Variants in EMC2 observed in about 807,000 individuals in gnomAD.
EMC2 encodes TPR repeat protein 35.
Under a neutral mutation model 51.6 loss-of-function variants are expected in EMC2, and 37 were observed. The observed-to-expected ratio is 0.72, with a 90% CI of 0.55 to 0.94. The LOEUF (loss-of-function observed/expected upper bound fraction) is 0.94, where lower values mean the gene tolerates loss of function less well. Ranked by LOEUF, EMC2 falls within the 40% of genes least tolerant of loss-of-function variation. EMC2 has a pLI of 0.00. For missense variants in EMC2, 359 were observed against 350.9 expected (o/e 1.02, Z -0.18); for synonymous variants, 131 against 112.4 (o/e 1.17, Z -1.04).
chr8:108,443,712 G>A lies in EMC2; in HGVS notation c.40+14G>A. ...TCACTTGGGAAGGTAACTTCGGGTG[G>A]GGGCGGGTGCGGAAAGACTAAAAGC... On this transcript the variant is annotated intron_variant, in intron 1 of 10. Coordinates refer to ENST00000220853, the MANE Select transcript of EMC2 (RefSeq NM_014673.5). 6.2e-7 allele frequency: 1 copy of A among 1,604,662 alleles called. No individual in the cohort carries two copies. The highest frequency in any genetic ancestry group is 8.5e-7 in the Non-Finnish European group (1 of 1,175,152).
intron 5 of EMC2, among the ~76,000 whole-genome samples, chr8:108,462,906 T>C (rs1315764747): frequency 6.6e-6 from 1 of 151,970 alleles, no homozygotes; most frequent in Non-Finnish European, 1.5e-5. Flanking sequence ...CTTTTAATAT[T>C]CTTAAACAGC....
chr8:108,462,493 G>C (rs548757082), intron 5 of EMC2, among the ~76,000 whole-genome samples: 1 of 152,240 alleles, frequency 6.6e-6, no homozygotes, highest in Admixed American at 6.5e-5. Flanking sequence ...TGAATCTTTA[G>C]AGGTGAAATG....
chr8:108,452,367 G>A lies in EMC2; in HGVS notation c.220-695G>A, dbSNP rs369702408. Among the ~76,000 whole-genome samples, 18 of 152,238 alleles carry A rather than the reference G, an allele frequency of 1.2e-4. No homozygotes were observed. The East Asian group carries it at 1.9e-3, about 16-fold the overall frequency. ...GGATCACCTGAGGTCAGGAGTTCGC[G>A]ACCAGGCTGGCCAACATGTTGAAAC... On this transcript the variant is annotated intron_variant, in intron 3 of 10. Coordinates refer to ENST00000220853, the MANE Select transcript of EMC2 (RefSeq NM_014673.5).
At position 108,476,888 on chromosome 8, in the gene EMC2, A is replaced by G. The variant is rs1174771341; in HGVS notation, c.698A>G (p.Tyr233Cys). The change falls in exon 9 of 11, where the codon TAT (tyrosine) becomes TGT (cysteine). Residue 233 changes from tyrosine to cysteine, a missense_variant. Physicochemically the swap from Tyr to Cys is radical, Grantham distance 194. Transcript: ENST00000220853. ...AATATGAGAGCTTTGTTTGGACTTT[A>G]TATGGTGAGTTGAGGTGCATGTTTA... ...NRNMRALFGL[Y>C]MSASHIASNP... 6.9e-7 allele frequency: 1 copy of G among 1,444,420 alleles called. No individual in the cohort carries two copies. The highest frequency in any genetic ancestry group is 9.7e-7 in the Non-Finnish European group (1 of 1,026,202). 89.5% of individuals were successfully genotyped at this position (1,444,420 alleles called of 1,614,324 possible). A position where few individuals can be genotyped will look rare whatever the true frequency, so the allele number is the denominator to read the frequency against.
At chr8:108,451,207 A>C (rs1159738007) in intron 3 of EMC2, among the ~76,000 whole-genome samples, 5 of 78,060 alleles carry the variant, frequency 6.4e-5, no homozygotes, top group African/African-American at 3.5e-4. Flanking sequence ...TGTCTCAAAA[A>C]AAAAAAAGAA....
At chr8:108,478,251 T>C (rs1453519303) in intron 9 of EMC2, among the ~76,000 whole-genome samples, 3 of 152,070 alleles carry the variant, frequency 2.0e-5, no homozygotes, top group Admixed American at 2.0e-4. Context: ...TATATCTTAC[T>C]CTTCACAGTA....
intron 9 of EMC2, 113 bp downstream of exon 9, chr8:108,477,005 G>T: frequency 5.4e-6 from 3 of 560,310 alleles, no homozygotes; most frequent in Admixed American, 3.3e-5. Context: ...TGATAAGCAT[G>T]TTTTTTTCTG....
chr8:108,479,635 C>G (rs1007871856), intron 10 of EMC2, among the ~76,000 whole-genome samples: 2 of 152,110 alleles, frequency 1.3e-5, no homozygotes, highest in African/African-American at 4.8e-5. Flanking sequence ...TAGAAATTTG[C>G]TCATGGGAAA....
chr8:108,466,321 TAAC>T (rs1272468299), intron 5 of EMC2, among the ~76,000 whole-genome samples: 1 of 152,174 alleles, frequency 6.6e-6, no homozygotes, highest in African/African-American at 2.4e-5. Context: ...TTTAGTCAGT[TAAC>T]GAGACTGTAC....
At chr8:108,477,176 T>C (rs1215407886) in intron 9 of EMC2, among the ~76,000 whole-genome samples, 1 of 152,032 alleles carries the variant, frequency 6.6e-6, no homozygotes, top group Non-Finnish European at 1.5e-5. Context: ...ACATGATTTC[T>C]TGTTTTGATA....
At chr8:108,446,200 A>G (rs1323551652) in intron 1 of EMC2, 1 of 345,486 alleles carries the variant, frequency 2.9e-6, no homozygotes, top group African/African-American at 2.1e-5. Flanking sequence ...TTTAGGAAAT[A>G]TTAGTTGAGT....
At chr8:108,478,240 T>G (rs1382024676) in intron 9 of EMC2, among the ~76,000 whole-genome samples, 1 of 152,064 alleles carries the variant, frequency 6.6e-6, no homozygotes, top group East Asian at 1.9e-4. Flanking sequence ...AGGAATCAAG[T>G]TATATCTTAC....
intron 3 of EMC2, among the ~76,000 whole-genome samples, chr8:108,452,779 G>A (rs1245371760): frequency 2.6e-5 from 4 of 152,120 alleles, no homozygotes; most frequent in African/African-American, 4.8e-5. Context: ...TTTTAAGGAG[G>A]AATAATATGA....
At chr8:108,469,613 G>T (rs752913403) in intron 5 of EMC2, among the ~76,000 whole-genome samples, 1 of 152,144 alleles carries the variant, frequency 6.6e-6, no homozygotes, top group South Asian at 2.1e-4. Context: ...CATACATTGT[G>T]TGCATCAAAA....
chr8:108,475,154 G>A (rs1482539401), intron 7 of EMC2: 1 of 151,886 alleles, frequency 6.6e-6, no homozygotes, highest in East Asian at 1.9e-4. Flanking sequence ...AGTGAGGATA[G>A]TCACATGGCA....
intron 9 of EMC2, 131 bp from the exon 10 acceptor site, chr8:108,478,875 A>G (rs571472699): frequency 2.6e-6 from 1 of 389,842 alleles, no homozygotes; most frequent in East Asian, 3.8e-5. Flanking sequence ...CTTTATGTTT[A>G]TATTAAAAAT....
chr8:108,468,796 CAT>C (rs1563698282), intron 5 of EMC2, among the ~76,000 whole-genome samples: 1 of 152,188 alleles, frequency 6.6e-6, no homozygotes, highest in Non-Finnish European at 1.5e-5. Flanking sequence ...TTGAAGCAAA[CAT>C]AAATAGAGAG....
At chr8:108,459,721 AGTGTGTGTGTGTGT>A (rs1554617756) in intron 5 of EMC2, among the ~76,000 whole-genome samples, 6 of 136,878 alleles carry the variant, frequency 4.4e-5, no homozygotes, top group African/African-American at 1.2e-4. Flanking sequence ...AGAGAGAGAG[AGTGTGTGTGTGTGT>A]GTGTGTGTGT....
chr8:108,477,889 G>T (rs1271406790), intron 9 of EMC2, among the ~76,000 whole-genome samples: 1 of 152,022 alleles, frequency 6.6e-6, no homozygotes, highest in African/African-American at 2.4e-5. Flanking sequence ...TTGAGTAGGT[G>T]CTCTCAATAC....
Sources: allele counts gnomAD v4.1 joint callset (sites outside exome capture counted in the v4.1 genomes callset), GRCh38; gene constraint gnomAD v4.1.1; transcripts MANE v1.5; gene names NCBI Gene and HGNC (gene_info 2026-07-23, HGNC 2026-07-21).